Variants in NDRG3 observed in about 807,000 individuals in gnomAD.
NDRG3 encodes NDRG family member 3, also known as protein NDRG3.
Under a neutral mutation model 57.2 loss-of-function variants are expected in NDRG3, and 23 were observed. The ratio of observed to expected loss-of-function variants is 0.40; its 90% CI spans 0.29 to 0.57. NDRG3 has a LOEUF of 0.57. Ranked by LOEUF, NDRG3 falls within the 20% of genes least tolerant of loss-of-function variation. The pLI is 0.42. For synonymous variants in NDRG3, 132 were observed against 162.6 expected, an observed-to-expected ratio of 0.81 and a Z score of 1.43; for missense variants, 384 against 457.3, an observed-to-expected ratio of 0.84 and a Z score of 1.46.
chr20:36,723,667 T>C lies in NDRG3; in HGVS notation c.-48-1884A>G, dbSNP rs528745308. 2.0e-5 allele frequency among the ~76,000 whole-genome samples: 3 copies of C among 149,798 alleles called. No homozygotes were observed. The East Asian group carries it at 5.9e-4, about 29-fold the overall frequency. ...TCAAAAGATATTAGTCTAGTGTGTG[T>C]GTGTGTGTGTGTGTGTGTGTGTGTG... On this transcript the variant is annotated intron_variant, in intron 1 of 15. Transcript: ENST00000349004.
intron 1 of NDRG3, among the ~76,000 whole-genome samples, chr20:36,744,473 C>CT (rs1299461855): frequency 2.6e-5 from 4 of 152,058 alleles, no homozygotes; most frequent in African/African-American, 4.8e-5. Context: ...GGACCATGCC[C>CT]TCAAGGGGCT....
At chr20:36,717,414 G>C (rs189200226) in intron 2 of NDRG3, among the ~76,000 whole-genome samples, 90 of 152,318 alleles carry the variant, frequency 5.9e-4, no homozygotes, top group African/African-American at 2.1e-3. Flanking sequence ...TGGACAGAAG[G>C]ATAAGGTGAA....
chr20:36,693,095 AAAAAAAAAAAAT>A (rs1982417012), intron 3 of NDRG3, among the ~76,000 whole-genome samples: 1 of 63,248 alleles, frequency 1.6e-5, no homozygotes, highest in East Asian at 3.6e-4. Context: ...AAAAAAAAAA[AAAAAAAAAAAAT>A]ATATATATAT....
chr20:36,675,059 ATT>A (rs34154196), intron 8 of NDRG3, among the ~76,000 whole-genome samples: 48 of 101,204 alleles, frequency 4.7e-4, no homozygotes, highest in Middle Eastern at 0.011. Context: ...CACAACTGGC[ATT>A]TTTTTTTTTT....
chr20:36,744,739 T>C (rs1451213418), intron 1 of NDRG3, among the ~76,000 whole-genome samples: 2 of 152,264 alleles, frequency 1.3e-5, no homozygotes, highest in Admixed American at 6.5e-5. Flanking sequence ...AGCACCACTC[T>C]ATCAATGTTC....
intron 1 of NDRG3, 21 bp from the exon 2 acceptor site, chr20:36,721,804 G>T: frequency 2.5e-6 from 3 of 1,180,450 alleles, no homozygotes; most frequent in Non-Finnish European, 2.5e-6. Flanking sequence ...AAAGAAAGAA[G>T]TGAAGAAAAA....
intron 3 of NDRG3, among the ~76,000 whole-genome samples, chr20:36,705,437 A>T (rs1983497390): frequency 6.6e-6 from 1 of 152,188 alleles, no homozygotes; most frequent in Non-Finnish European, 1.5e-5. Flanking sequence ...TAGGTACTCA[A>T]ATTATTATAA....
chr20:36,739,596 A>G (rs977277918), intron 1 of NDRG3, among the ~76,000 whole-genome samples: 9 of 151,962 alleles, frequency 5.9e-5, no homozygotes, highest in Non-Finnish European at 8.8e-5. Context: ...TCACGAGGTC[A>G]GGAGATCCTG....
intron 1 of NDRG3, among the ~76,000 whole-genome samples, chr20:36,740,529 TAG>T (rs1985876952): frequency 6.6e-6 from 1 of 152,210 alleles, no homozygotes; most frequent in African/African-American, 2.4e-5. Context: ...GCATTTTTAG[TAG>T]AGACAGTTTG....
rs562225373 is a variant in NDRG3 at position 36,653,868 on chromosome 20, C to A, written c.947-167G>T. Among the ~76,000 whole-genome samples the A allele has an allele frequency of 6.6e-6, 1 of 152,198 alleles. No individual in the cohort carries two copies. The highest frequency in any genetic ancestry group is 1.9e-4 in the East Asian group (1 of 5,180). On this transcript the variant is annotated intron_variant, in intron 15 of 15. Coordinates refer to ENST00000349004, the MANE Select transcript of NDRG3 (RefSeq NM_032013.4). The surrounding 1 kb of genome is among the most constrained non-coding windows in gnomAD (Gnocchi z 4.2). Reference sequence around the variant, plus strand: ...TGTATCATTTGCTCTAGGTGAGTGGCGATATGTGAGGCCACTTTAATCCTT... The same window carrying A: ...TGTATCATTTGCTCTAGGTGAGTGGAGATATGTGAGGCCACTTTAATCCTT...
At chr20:36,664,379 C>T (rs1979441482) in intron 12 of NDRG3, among the ~76,000 whole-genome samples, 1 of 151,746 alleles carries the variant, frequency 6.6e-6, no homozygotes, top group South Asian at 2.1e-4. Flanking sequence ...CATTTTTATC[C>T]AAGTGCTATG....
intron 9 of NDRG3, chr20:36,668,809 T>C (rs1317045239): frequency 1.3e-5 from 2 of 151,332 alleles, no homozygotes; most frequent in Non-Finnish European, 2.9e-5. Context: ...TAGAGAGAGA[T>C]AAATTGTATA....
intron 9 of NDRG3, among the ~76,000 whole-genome samples, chr20:36,670,036 C>T (rs1211328634): frequency 6.6e-6 from 1 of 152,216 alleles, no homozygotes; most frequent in Non-Finnish European, 1.5e-5. Context: ...GAGAAGTACA[C>T]ACTCTGTCAT....
intron 6 of NDRG3, among the ~76,000 whole-genome samples, chr20:36,684,071 T>G (rs1456033970): frequency 6.6e-6 from 1 of 152,210 alleles, no homozygotes; most frequent in Non-Finnish European, 1.5e-5. Flanking sequence ...CACAACTCAC[T>G]GTAGCCTTGA....
intron 4 of NDRG3, 139 bp from the exon 5 acceptor site, chr20:36,687,751 G>C (rs547992409): frequency 1.0e-6 from 1 of 967,588 alleles, no homozygotes; most frequent in South Asian, 1.8e-5. Context: ...TGAACAATCT[G>C]TCTGATTCAA....
chr20:36,675,898 A>G (rs555066351), intron 8 of NDRG3, among the ~76,000 whole-genome samples: 22 of 152,304 alleles, frequency 1.4e-4, no homozygotes, highest in African/African-American at 5.1e-4. Flanking sequence ...ATGGTGTATT[A>G]GAACATTTAC....
intron 2 of NDRG3, among the ~76,000 whole-genome samples, chr20:36,710,715 G>A (rs1983816045): frequency 6.6e-6 from 1 of 151,648 alleles, no homozygotes; most frequent in African/African-American, 2.4e-5. Context: ...GCTGAGGCAG[G>A]AGAACTGCTT....
intron 15 of NDRG3, among the ~76,000 whole-genome samples, chr20:36,655,509 C>T (rs1436505088): frequency 6.6e-6 from 1 of 152,230 alleles, no homozygotes; most frequent in African/African-American, 2.4e-5. Context: ...TGGACACACC[C>T]TTGGACTTGC....
At chr20:36,669,143 A>C (rs1600865679) in intron 9 of NDRG3, among the ~76,000 whole-genome samples, 1 of 144,800 alleles carries the variant, frequency 6.9e-6, no homozygotes, top group Non-Finnish European at 1.5e-5. Context: ...CGCAACCTTC[A>C]CCTCCTGGGT....
Sources: gnomAD v4.1 joint callset for allele counts (sites outside exome capture counted in the v4.1 genomes callset) on GRCh38, gnomAD v4.1.1 for gene constraint, Gnocchi (gnomAD v3.1) non-coding constraint, MANE v1.5 for transcripts, NCBI Gene and HGNC (gene_info 2026-07-23, HGNC 2026-07-21) for gene names.